Variants in NRXN1 observed in about 807,000 individuals in gnomAD.
NRXN1 encodes the protein neurexin 1.
A neutral mutation model predicts 150.9 loss-of-function variants in NRXN1; 39 were observed. The ratio of observed to expected loss-of-function variants is 0.26; its 90% confidence interval spans 0.20 to 0.34. The LOEUF (loss-of-function observed/expected upper bound fraction) is 0.34, where lower values mean the gene tolerates loss of function less well. Ranked by LOEUF, NRXN1 falls within the 10% of genes least tolerant of loss-of-function variation. The pLI, the probability that NRXN1 is intolerant of heterozygous loss-of-function variation, is 1.00. For synonymous variants in NRXN1, 924 were observed against 757.0 expected (o/e 1.22, Z -3.62); for missense variants, 1,815 against 1,949.9 (o/e 0.93, Z 1.30).
intron 5 of NRXN1, among the ~76,000 whole-genome samples, chr2:50,687,373 T>C (rs1352646906): frequency 6.6e-6 from 1 of 152,210 alleles, no homozygotes; most frequent in Non-Finnish European, 1.5e-5. Context: ...CTATCTTTTT[T>C]TTCTCCTGAT....
chr2:50,045,754 T>C (rs1691706543), intron 21 of NRXN1, among the ~76,000 whole-genome samples: 1 of 152,134 alleles, frequency 6.6e-6, no homozygotes, highest in South Asian at 2.1e-4. Context: ...CCACTGAGAC[T>C]AGACATTTTA....
intron 5 of NRXN1, among the ~76,000 whole-genome samples, chr2:50,685,742 G>A (rs920104632): frequency 1.3e-5 from 2 of 151,992 alleles, no homozygotes; most frequent in Non-Finnish European, 2.9e-5. Flanking sequence ...AATACTAACT[G>A]AATAACTTGT....
chr2:50,741,328 G>A (rs958952789), intron 5 of NRXN1, among the ~76,000 whole-genome samples: 6 of 152,058 alleles, frequency 3.9e-5, no homozygotes, highest in African/African-American at 1.4e-4. Context: ...AGGACCCAAT[G>A]TCTAACTATA....
At chr2:50,713,313 CA>C (rs59339405) in intron 5 of NRXN1, among the ~76,000 whole-genome samples, 64,060 of 140,176 alleles carry the variant, frequency 0.46, 14,701 homozygotes, top group East Asian at 0.65. Context: ...GACTCTGTCT[CA>C]AAAAAAAAAA....
chr2:50,925,590 G>C (rs536352170), intron 3 of NRXN1, among the ~76,000 whole-genome samples: 71 of 151,934 alleles, frequency 4.7e-4, no homozygotes, highest in African/African-American at 1.3e-3. Context: ...ATGGAAAAAG[G>C]ATCATGCACT....
chr2:49,946,377 G>T (rs1672892177), intron 21 of NRXN1, among the ~76,000 whole-genome samples: 2 of 151,962 alleles, frequency 1.3e-5, no homozygotes, highest in South Asian at 4.1e-4. Flanking sequence ...CTGGGCAGAA[G>T]CTCTTTAATT....
chr2:50,071,349 GCCTTAACCCC>G (rs758795695), intron 19 of NRXN1, among the ~76,000 whole-genome samples: 2 of 152,310 alleles, frequency 1.3e-5, no homozygotes, highest in Non-Finnish European at 2.9e-5. Flanking sequence ...ATATGGTGAA[GCCTTAACCCC>G]TAAGACCTCA....
chr2:50,997,841 T>A (rs889428556), intron 2 of NRXN1, among the ~76,000 whole-genome samples: 1 of 141,878 alleles, frequency 7.0e-6, no homozygotes, highest in Non-Finnish European at 1.5e-5. Context: ...TTTGGAACAA[T>A]TGGAGCAATG....
chr2:50,934,673 T>TA (rs1415323487), intron 2 of NRXN1, among the ~76,000 whole-genome samples: 4 of 152,194 alleles, frequency 2.6e-5, no homozygotes, highest in African/African-American at 9.6e-5. Context: ...GCTATTCATA[T>TA]AATGTACATA....
chr2:50,424,761 A>G (rs944302062), intron 17 of NRXN1, among the ~76,000 whole-genome samples: 1 of 152,208 alleles, frequency 6.6e-6, no homozygotes, highest in Non-Finnish European at 1.5e-5. Flanking sequence ...AGTCCTGGAT[A>G]CCTATTTGTA....
intron 17 of NRXN1, among the ~76,000 whole-genome samples, chr2:50,450,207 C>A (rs1001674295): frequency 6.6e-6 from 1 of 152,092 alleles, no homozygotes; most frequent in East Asian, 1.9e-4. Flanking sequence ...TTCTGTCTTC[C>A]CAATTAAGGT....
chr2:50,806,411 T>C (rs1232840052), intron 5 of NRXN1, among the ~76,000 whole-genome samples: 3 of 152,196 alleles, frequency 2.0e-5, no homozygotes, highest in Non-Finnish European at 2.9e-5. Flanking sequence ...AACCCTATTA[T>C]TCAATATAAA....
chr2:50,763,594 C>A (rs1345900270), intron 5 of NRXN1, among the ~76,000 whole-genome samples: 1 of 151,776 alleles, frequency 6.6e-6, no homozygotes, highest in Admixed American at 6.6e-5. Flanking sequence ...TATCTAGGAA[C>A]CAAATTTCCA....
intron 5 of NRXN1, among the ~76,000 whole-genome samples, chr2:50,675,988 T>G (rs1039168707): frequency 1.3e-5 from 2 of 152,132 alleles, no homozygotes; most frequent in Admixed American, 1.3e-4. Flanking sequence ...TGTTGCAATT[T>G]GACTCATGTA....
chr2:50,305,928 A>T (rs111238578), intron 17 of NRXN1, among the ~76,000 whole-genome samples: 1 of 152,144 alleles, frequency 6.6e-6, no homozygotes, highest in Admixed American at 6.6e-5. Context: ...TTCATGATCA[A>T]TTTAGCCCTA....
At chr2:50,693,307 G>C (rs1310222753) in intron 5 of NRXN1, among the ~76,000 whole-genome samples, 1 of 152,170 alleles carries the variant, frequency 6.6e-6, no homozygotes, top group African/African-American at 2.4e-5. Flanking sequence ...ATAACTATAG[G>C]AGGTAGACTG....
intron 8 of NRXN1, among the ~76,000 whole-genome samples, chr2:50,608,880 A>C (rs1677570999): frequency 6.6e-6 from 1 of 152,124 alleles, no homozygotes; most frequent in African/African-American, 2.4e-5. Flanking sequence ...AACTAAAATA[A>C]TTACTTGTAT....
At chr2:49,990,267 C>T (rs1681696450) in intron 21 of NRXN1, among the ~76,000 whole-genome samples, 2 of 151,916 alleles carry the variant, frequency 1.3e-5, no homozygotes. Context: ...CTGCCAAGGC[C>T]CTAAGATAAG....
At chr2:50,831,472 T>C (rs766267336) in intron 5 of NRXN1, among the ~76,000 whole-genome samples, 1 of 152,136 alleles carries the variant, frequency 6.6e-6, no homozygotes, top group Admixed American at 6.5e-5. Context: ...TAGTTATCCT[T>C]ACTGTGGGAG....
Sources: allele counts gnomAD v4.1 joint callset (sites outside exome capture counted in the v4.1 genomes callset), GRCh38; gene constraint gnomAD v4.1.1; transcripts MANE v1.5; gene names NCBI Gene and HGNC (gene_info 2026-07-23, HGNC 2026-07-21).